Variants in CECR2 observed in about 807,000 individuals in gnomAD.
The protein encoded by CECR2 is chromatin remodeling regulator CECR2.
Under a neutral mutation model 154.5 loss-of-function variants are expected in CECR2, and 30 were observed. The ratio of observed to expected loss-of-function variants is 0.19; its 90% CI spans 0.15 to 0.26. The LOEUF (loss-of-function observed/expected upper bound fraction) is 0.26, where lower values mean the gene tolerates loss of function less well. Among genes scored for constraint, CECR2 ranks in the 10% least tolerant of loss-of-function variants. CECR2 has a pLI of 1.00. For synonymous variants in CECR2, 725 were observed against 683.7 expected (o/e 1.06, Z -0.94); for missense variants, 1,743 against 1,829.3 (o/e 0.95, Z 0.86).
At chr22:17,365,735 G>A (rs2062999089), upstream of CECR2, among the ~76,000 whole-genome samples, 1 of 151,968 alleles carries the variant, frequency 6.6e-6, no homozygotes. Flanking sequence ...AAAAAATGTG[G>A]TTAGCCTGGC....
chr22:17,527,755 G>C (rs1171300543), intron 9 of CECR2, among the ~76,000 whole-genome samples: 1 of 138,546 alleles, frequency 7.2e-6, no homozygotes, highest in African/African-American at 2.8e-5. Context: ...GGGCAATACA[G>C]CAAGATTCTG....
intron 1 of CECR2, among the ~76,000 whole-genome samples, chr22:17,370,507 G>A (rs1437635649): frequency 2.0e-5 from 3 of 152,134 alleles, no homozygotes; most frequent in Non-Finnish European, 4.4e-5. Context: ...CTCTGGAGGT[G>A]TGGAAGGAAA....
At chr22:17,446,589 C>T (rs57971831) in intron 1 of CECR2, among the ~76,000 whole-genome samples, 45,423 of 151,700 alleles carry the variant, frequency 0.3, 9,749 homozygotes, top group African/African-American at 0.58. Context: ...TGGTGGCGGG[C>T]GCCTGTAGTC....
intron 2 of CECR2, 121 bp downstream of exon 2, chr22:17,477,803 A>G: frequency 1.4e-6 from 1 of 707,322 alleles, no homozygotes; most frequent in Non-Finnish European, 2.5e-6. Flanking sequence ...GGGACACTGT[A>G]GATGGAGGAC....
chr22:17,407,042 C>G (rs202062573), intron 1 of CECR2, among the ~76,000 whole-genome samples: 1 of 142,720 alleles, frequency 7.0e-6, no homozygotes, highest in Non-Finnish European at 1.5e-5. Flanking sequence ...GATTCAGAAA[C>G]TACCAGTCCT....
chr22:17,542,158 C>T lies in CECR2; in HGVS notation c.2015C>T (p.Pro672Leu). 2.5e-6 allele frequency: 4 copies of T among 1,608,406 alleles called. No individual in the cohort carries two copies. The highest frequency in any genetic ancestry group is 3.4e-6 in the Non-Finnish European group (4 of 1,175,714). Residue 672 changes from proline (P) to leucine (L), a missense_variant and splice_region_variant, in exon 16 of 19, where the codon CCT (proline) becomes CTT (leucine). This residue lies in a region of CECR2 where 1,250 missense variants were observed against 1,192.1 expected (regional missense o/e 1.05). Transcript: ENST00000262608. ...VQQRQPFTMQ[P>L]PVGINSLRGP... ...TGTGCTGCCTTTTCTCGTTGCCAGC[C>T]TCCAGTTGGAATTAACAGCCTCCGA...
At chr22:17,436,402 C>G (rs768897825) in intron 1 of CECR2, among the ~76,000 whole-genome samples, 34 of 152,194 alleles carry the variant, frequency 2.2e-4, no homozygotes, top group Non-Finnish European at 4.0e-4. Context: ...GTCTCTAGTT[C>G]CTAAAATAAG....
At chr22:17,412,590 G>C (rs1016714799) in intron 1 of CECR2, among the ~76,000 whole-genome samples, 1 of 152,200 alleles carries the variant, frequency 6.6e-6, no homozygotes, top group Non-Finnish European at 1.5e-5. Flanking sequence ...AGTGATGGAA[G>C]GGTATTGCTA....
chr22:17,394,197 C>CTGTT, intron 1 of CECR2, among the ~76,000 whole-genome samples: 1 of 97,096 alleles, frequency 1.0e-5, no homozygotes, highest in South Asian at 3.5e-4. Flanking sequence ...GCTGCCGCTG[C>CTGTT]TTTTTTTTTT....
rs78287228 is a variant in CECR2 at position 17,413,013 on chromosome 22, T to C, written c.126+43104T>C. On this transcript the variant is annotated intron_variant, in intron 1 of 18. Coordinates refer to ENST00000262608, the MANE Select transcript of CECR2 (RefSeq NM_001290047.2). ...CATCCTCTTTAAAACTGGTCTGAGG[T>C]TGAGAGTGCCTGGCCCTGTCCTCCA... is the stretch of plus-strand genomic sequence containing the variant. 8.9e-3 allele frequency among the ~76,000 whole-genome samples: 1,356 copies of C among 152,198 alleles called. 61 individuals are homozygous for C. The East Asian group carries it at 0.14, about 16-fold the overall frequency.
chr22:17,557,393 C>T lies in CECR2; in HGVS notation c.*4553C>T, dbSNP rs1217844779. The T allele has an allele frequency of 6.6e-6, 1 of 152,144 alleles. No homozygotes were observed. Among genetic ancestry groups the T allele is most frequent in the African/African-American group, 2.4e-5 (1 of 41,424 alleles). The allele number at this position is 152,144 out of a possible 1,614,324, so 9.4% of individuals were successfully genotyped here. ...CAAACTCCTGACCTCAGGTGATCCACCCGCCTTGGCCTCCCAACATGCTGG... is the reference window on the plus strand; with the variant it reads ...CAAACTCCTGACCTCAGGTGATCCATCCGCCTTGGCCTCCCAACATGCTGG... On this transcript the variant is annotated 3_prime_UTR_variant, in exon 19 of 19. Coordinates refer to ENST00000262608, the MANE Select transcript of CECR2 (RefSeq NM_001290047.2).
rs2146171004 is a variant in CECR2 at position 17,554,407 on chromosome 22, C to T, written c.*1567C>T. The T allele has an allele frequency of 6.6e-6, 1 of 152,256 alleles. No homozygotes were observed. Among genetic ancestry groups the T allele is most frequent in the South Asian group, 2.1e-4 (1 of 4,822 alleles). The allele number at this position is 152,256 out of a possible 1,614,324, so 9.4% of individuals were successfully genotyped here. A position where few individuals can be genotyped will look rare whatever the true frequency, so the allele number is the denominator to read the frequency against. On this transcript the variant is annotated 3_prime_UTR_variant, in exon 19 of 19. Coordinates refer to ENST00000262608, the MANE Select transcript of CECR2 (RefSeq NM_001290047.2). ...GAGGGGCCAGTAGAGTGTTTCCCTCCAATTCCAGGATTCCTAGTGAAGCAT... is the reference window on the plus strand; with the variant it reads ...GAGGGGCCAGTAGAGTGTTTCCCTCTAATTCCAGGATTCCTAGTGAAGCAT...
chr22:17,530,289 C>T (rs1298900783), intron 9 of CECR2, among the ~76,000 whole-genome samples: 1 of 151,228 alleles, frequency 6.6e-6, no homozygotes, highest in Non-Finnish European at 1.5e-5. Flanking sequence ...GCAGTGGTGC[C>T]GCGCCCGGCA....
chr22:17,525,414 G>T (rs927706071), intron 9 of CECR2, among the ~76,000 whole-genome samples: 2 of 151,922 alleles, frequency 1.3e-5, no homozygotes, highest in African/African-American at 4.8e-5. Flanking sequence ...AGCCAAAGTG[G>T]CCGAATCACT....
intron 1 of CECR2, among the ~76,000 whole-genome samples, chr22:17,396,524 C>T (rs527716119): frequency 1.2e-4 from 18 of 152,188 alleles, no homozygotes; most frequent in East Asian, 1.9e-4. Flanking sequence ...TCCAGCCTGG[C>T]GACAGAGCGA....
At position 17,503,062 on chromosome 22, in the gene CECR2, C is replaced by T; in HGVS notation, c.651-20C>T. On this transcript the variant is annotated intron_variant, in intron 5 of 18. Coordinates refer to ENST00000262608, the MANE Select transcript of CECR2 (RefSeq NM_001290047.2). ...GACCTGTCTTTGTTTTAATTGGCAC[C>T]TCTTTTTCCTGTGTTTCAGTGAAAA... 1 of 1,607,924 alleles carries T rather than the reference C, an allele frequency of 6.2e-7. No individual in the cohort carries two copies. Among genetic ancestry groups the T allele is most frequent in the Non-Finnish European group, 8.5e-7 (1 of 1,177,000 alleles).
At chr22:17,490,989 T>G (rs1462887010) in intron 2 of CECR2, among the ~76,000 whole-genome samples, 1 of 152,208 alleles carries the variant, frequency 6.6e-6, no homozygotes, top group East Asian at 1.9e-4. Context: ...AGTGTCCTTT[T>G]GTATCTGGCT....
At chr22:17,451,754 AATT>A (rs1271616767) in intron 1 of CECR2, among the ~76,000 whole-genome samples, 2 of 152,166 alleles carry the variant, frequency 1.3e-5, no homozygotes, top group Non-Finnish European at 2.9e-5. Flanking sequence ...AAATTACCCA[AATT>A]ATTTGCATTA....
In CECR2 at chr22:17,549,381, C is replaced by G. The variant is rs576373100; in HGVS notation, c.4094C>G (p.Ser1365Cys). 20 of 1,613,950 alleles carry G rather than the reference C, an allele frequency of 1.2e-5. No individual in the cohort carries two copies. The African/African-American group carries it at 1.7e-4, about 14-fold the overall frequency. ...CACTTTCAGCCCAGGGCTTACTCTT[C>G]CCCTGTGGCTGCCCTCCCACCTCAC... ...ASHFQPRAYS[S>C]PVAALPPHHP... The change falls in exon 17 of 19, where the codon TCC becomes TGC. Residue 1365 changes from serine to cysteine, a missense_variant. Physicochemically the swap from Ser to Cys is moderately radical, Grantham distance 112. Coordinates refer to ENST00000262608, the MANE Select transcript of CECR2 (RefSeq NM_001290047.2).
Sources: allele counts gnomAD v4.1 joint callset (sites outside exome capture counted in the v4.1 genomes callset), GRCh38; gene constraint gnomAD v4.1.1; regional missense constraint gnomAD v4.1.1; transcripts MANE v1.5; gene names NCBI Gene and HGNC (gene_info 2026-07-23, HGNC 2026-07-21).